The following TRIM13 variants were observed in gnomAD, a reference collection of about 807,000 sequenced individuals.
The protein encoded by TRIM13 is tripartite motif containing 13.
Under a neutral mutation model 27.1 loss-of-function variants are expected in TRIM13, and 15 were observed. The observed-to-expected ratio is 0.55, with a 90% CI of 0.37 to 0.85. The LOEUF (loss-of-function observed/expected upper bound fraction) is 0.85. Ranked by LOEUF, TRIM13 falls within the 40% of genes least tolerant of loss-of-function variation. TRIM13 has a pLI of 0.00. For synonymous variants in TRIM13, 193 were observed against 171.5 expected (o/e 1.13, Z -0.98); for missense variants, 402 against 472.2 (o/e 0.85, Z 1.38).
Position 50,012,099 on chromosome 13 carries a change from G to T in TRIM13, c.159G>T (p.Lys53Asn). 6.2e-7 allele frequency: 1 copy of T among 1,614,128 alleles called. No homozygotes were observed. The highest frequency in any genetic ancestry group is 1.1e-5 in the South Asian group (1 of 91,080). Reference sequence around the variant, plus strand: ...CCTTGTGGAGACCAGCTCCATTCAAGTGTCCTACATGCCGTAAGGAAACTT... The same window carrying T: ...CCTTGTGGAGACCAGCTCCATTCAATTGTCCTACATGCCGTAAGGAAACTT... The part of the protein sequence containing the change: ...RNSLWRPAPF[K>N]CPTCRKETSA... Residue 53 changes from lysine (K) to asparagine (N), a missense_variant, in exon 2 of 2, where the codon AAG (lysine) becomes AAT (asparagine). By Grantham distance (94) the Lys-to-Asn change is moderately conservative. Transcript: ENST00000378182.
At position 50,012,822 on chromosome 13, in the gene TRIM13, G is replaced by A. The variant is rs1186029876; in HGVS notation, c.882G>A (p.Val294=). 6.2e-7 allele frequency: 1 copy of A among 1,613,934 alleles called. No individual in the cohort carries two copies. Among genetic ancestry groups the A allele is most frequent in the African/African-American group, 1.3e-5 (1 of 74,888 alleles). The change falls in exon 2 of 2, where the codon GTG becomes GTA. Residue 294 remains valine, a synonymous_variant. Transcript: ENST00000378182. The part of the protein sequence containing the change: ...SQWEDIKLVD[V]DKLSLPQDTG... ...GGGAAGACATAAAACTAGTCGATGT[G>A]GATAAACTTTCTTTGCCTCAAGACA...
At chr13:50,004,339 A>G (rs1042686455) in intron 1 of TRIM13, among the ~76,000 whole-genome samples, 6 of 152,106 alleles carry the variant, frequency 3.9e-5, no homozygotes, top group Admixed American at 3.3e-4. Flanking sequence ...ATGTACCTGT[A>G]GTACCTTACA....
In TRIM13 at chr13:50,018,100, C is replaced by T. The variant is rs1362396780; in HGVS notation, c.*4936C>T. On this transcript the variant is annotated 3_prime_UTR_variant, in exon 2 of 2. Coordinates refer to ENST00000378182, the MANE Select transcript of TRIM13 (RefSeq NM_213590.3). ...TTGACTTCTCCTTTTTGAACTGGCT[C>T]AAATGGAAAAGTGTAGTTGCTTTTA... The T allele has an allele frequency of 6.0e-6, 1 of 167,004 alleles. No homozygotes were observed. Among genetic ancestry groups the T allele is most frequent in the South Asian group, 2.1e-4 (1 of 4,828 alleles). The allele number at this position is 167,004 out of a possible 1,614,324, so 10.3% of individuals were successfully genotyped here.
rs1363650107 is a variant in TRIM13, at chr13:50,012,892, T to A, written c.952T>A (p.Phe318Ile). ...GATTCCCTGGAGCTTTTATAAGTTA[T>A]TTTTGCTAATCCTTCTGCTTGGCCT... ...SKIPWSFYKLFLLILLLGLVI... is the reference protein window; with the variant it reads ...SKIPWSFYKLILLILLLGLVI... Residue 318 changes from phenylalanine (F) to isoleucine (I), a missense_variant, in exon 2 of 2, where the codon TTT becomes ATT. By Grantham distance (21) the Phe-to-Ile change is conservative. Transcript: ENST00000378182. The A allele has an allele frequency of 6.2e-7, 1 of 1,614,040 alleles. No individual in the cohort carries two copies. Among genetic ancestry groups the A allele is most frequent in the Admixed American group, 1.7e-5 (1 of 60,014 alleles).
chr13:50,005,107 A>G (rs1189668903), intron 1 of TRIM13, among the ~76,000 whole-genome samples: 1 of 152,012 alleles, frequency 6.6e-6, no homozygotes, highest in Admixed American at 6.6e-5. Context: ...GAAACCCCGA[A>G]AAAGAGGTGG....
Position 50,002,388 on chromosome 13 carries a change from AAAAAAC to A in TRIM13, c.-7+4641_-7+4646del, listed in dbSNP as rs199711674. 1.8e-3 allele frequency among the ~76,000 whole-genome samples: 269 copies of A among 152,200 alleles called. 5 individuals carry two copies. In the East Asian group the frequency reaches 0.044, roughly 25 times the overall value. On this transcript the variant is annotated intron_variant, in intron 1 of 1. Coordinates refer to ENST00000378182, the MANE Select transcript of TRIM13 (RefSeq NM_213590.3). ...TGGGTGACAGAGCAAGACTGTCTCA[AAAAAAC>A]AAAAACAAAAACAAACCATACTACA... is the stretch of plus-strand genomic sequence containing the variant.
At chr13:50,009,756 A>AAACAAC (rs1555324175) in intron 1 of TRIM13, among the ~76,000 whole-genome samples, 56 of 122,714 alleles carry the variant, frequency 4.6e-4, no homozygotes, top group Middle Eastern at 4.6e-3. Flanking sequence ...AAAAAAAAAA[A>AAACAAC]AACAACAACA....
rs1428945728 is a variant in TRIM13, at chr13:50,013,331, ATT to A, written c.*169_*170del. On this transcript the variant is annotated 3_prime_UTR_variant, in exon 2 of 2. Coordinates refer to ENST00000378182, the MANE Select transcript of TRIM13 (RefSeq NM_213590.3). Reference sequence around the variant, plus strand: ...TAGGTAGCATAAAGATAAAAGTGAAATTTAGTAGTATAGGCCTGAACCTTTTT... The same window carrying A: ...TAGGTAGCATAAAGATAAAAGTGAAATAGTAGTATAGGCCTGAACCTTTTT... 2.5e-5 allele frequency: 18 copies of A among 708,386 alleles called. No homozygotes were observed. Among genetic ancestry groups the A allele is most frequent in the Non-Finnish European group, 3.9e-5 (18 of 457,502 alleles). The allele number at this position is 708,386 out of a possible 1,614,324, so 43.9% of individuals were successfully genotyped here.
chr13:50,008,788 G>C (rs1875156583), intron 1 of TRIM13, among the ~76,000 whole-genome samples: 1 of 151,868 alleles, frequency 6.6e-6, no homozygotes, highest in Admixed American at 6.6e-5. Flanking sequence ...GTCTGAGGTG[G>C]GAGGATCACT....
At chr13:49,999,204 G>C (rs888549041) in intron 1 of TRIM13, among the ~76,000 whole-genome samples, 6 of 152,044 alleles carry the variant, frequency 3.9e-5, no homozygotes, top group African/African-American at 1.5e-4. Context: ...GCCCCAGGTA[G>C]AAGCTACATT....
In TRIM13 at chr13:50,013,029, T is replaced by C; in HGVS notation, c.1089T>C (p.Asp363=). 6.2e-7 allele frequency: 1 copy of C among 1,614,046 alleles called. No individual in the cohort carries two copies. Among genetic ancestry groups the C allele is most frequent in the South Asian group, 1.1e-5 (1 of 91,038 alleles). Residue 363 remains aspartate, a synonymous_variant, in exon 2 of 2, where the codon GAT becomes GAC. Transcript: ENST00000378182. Reference sequence around the variant, plus strand: ...GTTCCTATCTGACTAAAACAGCCGATTTCATAGAACAATCAGTTTTTTACT... The same window carrying C: ...GTTCCTATCTGACTAAAACAGCCGACTTCATAGAACAATCAGTTTTTTACT... The part of the protein sequence containing the change: ...NFSSYLTKTA[D]FIEQSVFYWE...
Position 49,999,092 on chromosome 13 carries a change from T to TC in TRIM13, c.-7+1329_-7+1330insC, listed in dbSNP as rs1462049369. On this transcript the variant is annotated intron_variant, in intron 1 of 1. Coordinates refer to ENST00000378182, the MANE Select transcript of TRIM13 (RefSeq NM_213590.3). ...ATGGGGTTTCTCACTCCCTTTTCCT[T>TC]GTCACCCTATGTGGGCGTCTGGGCC... is the stretch of plus-strand genomic sequence containing the variant. 1.3e-3 allele frequency among the ~76,000 whole-genome samples: 45 copies of TC among 34,728 alleles called. No homozygotes were observed. In the Admixed American group the frequency reaches 0.016, roughly 12 times the overall value. 22.8% of individuals were successfully genotyped at this position (34,728 alleles called of 152,430 possible).
At chr13:50,008,732 C>T (rs914945491) in intron 1 of TRIM13, among the ~76,000 whole-genome samples, 2 of 151,936 alleles carry the variant, frequency 1.3e-5, no homozygotes, top group Non-Finnish European at 2.9e-5. Context: ...CACTTTTACA[C>T]TCTTAAAAAT....
intron 1 of TRIM13, among the ~76,000 whole-genome samples, chr13:49,998,905 G>C (rs1375658840): frequency 1.3e-5 from 2 of 149,618 alleles, no homozygotes; most frequent in Admixed American, 6.6e-5. Flanking sequence ...ACTCCAGACT[G>C]GGCAACAGAG....
At position 49,997,064 on chromosome 13, in the gene TRIM13, T is replaced by C. The variant is rs1302680780; in HGVS notation, c.-706T>C. The C allele has an allele frequency of 7.7e-6, 1 of 130,378 alleles. No individual in the cohort carries two copies. Among genetic ancestry groups the C allele is most frequent in the Non-Finnish European group, 1.6e-5 (1 of 61,052 alleles). 8.1% of individuals were successfully genotyped at this position (130,378 alleles called of 1,614,324 possible). ...CGCGAGTCCATTTTGGGGCTGTGCT[T>C]GGCGCGTACCGTGCGGTCCCTGTAG... is the stretch of plus-strand genomic sequence containing the variant. On this transcript the variant is annotated 5_prime_UTR_variant, in exon 1 of 2. Transcript: ENST00000378182.
rs1364321647 is a variant in TRIM13, at chr13:50,012,915, C to T, written c.975C>T (p.Gly325=). ...TATTTTTGCTAATCCTTCTGCTTGG[C>T]CTTGTCATTGTCTTTGGTCCTACCA... ...YKLFLLILLL[G]LVIVFGPTMF... The change falls in exon 2 of 2, where the codon GGC becomes GGT. Residue 325 remains glycine, a synonymous_variant. Transcript: ENST00000378182. 2.5e-6 allele frequency: 4 copies of T among 1,613,918 alleles called. No homozygotes were observed. The highest frequency in any genetic ancestry group is 3.4e-6 in the Non-Finnish European group (4 of 1,179,986).
Position 50,012,275 on chromosome 13 carries a change from T to C in TRIM13, c.335T>C (p.Leu112Pro). The change falls in exon 2 of 2, where the codon CTG becomes CCG. Residue 112 changes from leucine to proline, a missense_variant. By Grantham distance (98) the Leu-to-Pro change is moderately conservative. Transcript: ENST00000378182. ...LNIFCLTDMQLICGICATRGE... is the reference protein window; with the variant it reads ...LNIFCLTDMQPICGICATRGE... ...ATTTTCTGCCTGACTGATATGCAGCTGATTTGTGGGATCTGTGCTACTCGT... is the reference window on the plus strand; with the variant it reads ...ATTTTCTGCCTGACTGATATGCAGCCGATTTGTGGGATCTGTGCTACTCGT... 2 of 1,614,186 alleles carry C rather than the reference T, an allele frequency of 1.2e-6. No individual in the cohort carries two copies. The highest frequency in any genetic ancestry group is 1.7e-6 in the Non-Finnish European group (2 of 1,180,006).
intron 1 of TRIM13, among the ~76,000 whole-genome samples, chr13:49,999,440 T>C (rs60583460): frequency 0.17 from 26,615 of 152,116 alleles, 2,651 homozygotes; most frequent in African/African-American, 0.26. Context: ...ACCCACTCCT[T>C]GTGTGTGTCC....
At chr13:50,010,927 T>C (rs1337825605) in intron 1 of TRIM13, among the ~76,000 whole-genome samples, 1 of 152,214 alleles carries the variant, frequency 6.6e-6, no homozygotes, top group Non-Finnish European at 1.5e-5. Flanking sequence ...TATGCAGAAG[T>C]GCTTTGTGCG....
Sources: allele counts gnomAD v4.1 joint callset (sites outside exome capture counted in the v4.1 genomes callset), GRCh38; gene constraint gnomAD v4.1.1; transcripts MANE v1.5; gene names NCBI Gene and HGNC (gene_info 2026-07-23, HGNC 2026-07-21).